The following TMEM117 variants were observed in gnomAD, a reference collection of about 807,000 sequenced individuals.
TMEM117 encodes the protein transmembrane protein 117.
Under a neutral mutation model 52.4 loss-of-function variants are expected in TMEM117, and 27 were observed. That is an observed-to-expected ratio of 0.51 (90% confidence interval 0.38 to 0.71). TMEM117 has a LOEUF of 0.71. TMEM117 is among the 30% of genes least tolerant of loss of function. The probability of loss-of-function intolerance (pLI) is 0.00; values close to 1 mark genes in which losing one functional copy is unlikely to be tolerated. For missense variants in TMEM117, 556 were observed against 630.5 expected, an observed-to-expected ratio of 0.88 and a Z score of 1.26; for synonymous variants, 215 against 206.3, an observed-to-expected ratio of 1.04 and a Z score of -0.36.
intron 3 of TMEM117, among the ~76,000 whole-genome samples, chr12:44,132,632 C>T (rs1466336670): frequency 2.0e-5 from 3 of 152,116 alleles, no homozygotes; most frequent in Non-Finnish European, 2.9e-5. Context: ...ATGACCATCC[C>T]CGTTCCTCAA....
chr12:44,366,470 A>G (rs1951790835), intron 6 of TMEM117, among the ~76,000 whole-genome samples: 1 of 152,080 alleles, frequency 6.6e-6, no homozygotes, highest in Non-Finnish European at 1.5e-5. Flanking sequence ...ATTCTCCAAC[A>G]GCAAAATGTA....
intron 5 of TMEM117, among the ~76,000 whole-genome samples, chr12:44,286,992 A>G (rs1439596660): frequency 1.3e-5 from 2 of 152,178 alleles, no homozygotes; most frequent in East Asian, 1.9e-4. Flanking sequence ...CCTAACCTCT[A>G]TGGAAGCAGT....
chr12:44,362,131 C>T (rs190777053), intron 6 of TMEM117, among the ~76,000 whole-genome samples: 7 of 152,126 alleles, frequency 4.6e-5, no homozygotes, highest in South Asian at 2.1e-4. Flanking sequence ...TTTCTCAATC[C>T]CTAGTTTATT....
chr12:44,373,699 A>G (rs550924438), intron 6 of TMEM117, among the ~76,000 whole-genome samples: 20 of 150,254 alleles, frequency 1.3e-4, no homozygotes, highest in Non-Finnish European at 2.2e-4. Context: ...GATTCAGAAT[A>G]CCGTCCCAAA....
chr12:44,220,090 GA>G (rs1231507806), intron 5 of TMEM117, among the ~76,000 whole-genome samples: 2 of 152,020 alleles, frequency 1.3e-5, no homozygotes, highest in Non-Finnish European at 2.9e-5. Context: ...GGGAGGTGGA[GA>G]AAAAAAGATA....
intron 3 of TMEM117, chr12:44,008,717 C>T: frequency 2.8e-6 from 1 of 363,156 alleles, no homozygotes; most frequent in Non-Finnish European, 5.4e-6. Context: ...GCATATGATA[C>T]AAGTATAAGG....
chr12:43,819,493 G>A, the TMEM117 span, among the ~76,000 whole-genome samples: 1 of 152,246 alleles, frequency 6.6e-6, no homozygotes, highest in South Asian at 2.1e-4. Context: ...TGAAACAGGC[G>A]GCTGGGCGGG....
chr12:44,367,978 C>A (rs79248757), intron 6 of TMEM117, among the ~76,000 whole-genome samples: 5,745 of 152,196 alleles, frequency 0.038, 138 homozygotes, highest in Admixed American at 0.054. Flanking sequence ...ACCCCTCCTA[C>A]AGTCAGTTTA....
chr12:44,181,750 A>G (rs1949203095), intron 4 of TMEM117, among the ~76,000 whole-genome samples: 1 of 150,522 alleles, frequency 6.6e-6, no homozygotes, highest in African/African-American at 2.4e-5. Context: ...TGTTTTGGTT[A>G]CTGTAGCCTT....
intron 6 of TMEM117, among the ~76,000 whole-genome samples, chr12:44,302,186 CTCT>C (rs2138647444): frequency 6.6e-6 from 1 of 152,246 alleles, no homozygotes; most frequent in South Asian, 2.1e-4. Context: ...CCCTATGCAG[CTCT>C]TCTTCATAAC....
At chr12:43,855,151 A>G (rs767499952) in intron 2 of TMEM117, among the ~76,000 whole-genome samples, 8 of 152,212 alleles carry the variant, frequency 5.3e-5, no homozygotes, top group Non-Finnish European at 1.2e-4. Flanking sequence ...AAATGGATTC[A>G]GGTTTGGTCA....
rs76637877 is a variant in TMEM117, at chr12:44,351,731, T to C, written c.769-24864T>C. On this transcript the variant is annotated intron_variant, in intron 6 of 7. Coordinates refer to ENST00000266534, the MANE Select transcript of TMEM117 (RefSeq NM_032256.3). ...GTTGCACAGAGAAAATTTCATTACA[T>C]TTTGCTTGTGGATGTTTGACTAAAA... Among the ~76,000 whole-genome samples, 85 of 152,070 alleles carry C rather than the reference T, an allele frequency of 5.6e-4. No individual in the cohort carries two copies. In the East Asian group the frequency reaches 0.013, roughly 24 times the overall value.
At chr12:44,349,445 A>G (rs1372956370) in intron 6 of TMEM117, among the ~76,000 whole-genome samples, 1 of 152,060 alleles carries the variant, frequency 6.6e-6, no homozygotes, top group African/African-American at 2.4e-5. Flanking sequence ...TGGGTACTTC[A>G]GCTGAATTGA....
At chr12:44,229,005 G>A (rs1008133795) in intron 5 of TMEM117, among the ~76,000 whole-genome samples, 12 of 152,264 alleles carry the variant, frequency 7.9e-5, no homozygotes, top group African/African-American at 2.4e-4. Context: ...TGGCTTGGAC[G>A]AAAGTGGCAG....
intron 3 of TMEM117, among the ~76,000 whole-genome samples, chr12:44,125,632 GTCTA>G (rs1948312250): frequency 1.3e-5 from 2 of 151,850 alleles, no homozygotes; most frequent in Admixed American, 6.6e-5. Flanking sequence ...CTAGCTAGTG[GTCTA>G]TCTGTTTTAT....
chr12:44,106,415 G>A (rs1244302155), intron 3 of TMEM117, among the ~76,000 whole-genome samples: 8 of 152,026 alleles, frequency 5.3e-5, no homozygotes, highest in African/African-American at 1.7e-4. Context: ...ATTAAAAAAT[G>A]TATTTTAGCT....
chr12:43,890,680 C>T (rs542368427), intron 2 of TMEM117, among the ~76,000 whole-genome samples: 7 of 152,040 alleles, frequency 4.6e-5, no homozygotes, highest in East Asian at 1.9e-4. Flanking sequence ...TACAGGCATC[C>T]GCCACCACAC....
the TMEM117 span, among the ~76,000 whole-genome samples, chr12:43,830,254 A>G: frequency 7.2e-5 from 11 of 152,098 alleles, no homozygotes; most frequent in Non-Finnish European, 1.6e-4. Context: ...CACGCAAGTA[A>G]CAGCTGTATT....
At chr12:43,889,013 G>T (rs1944051825) in intron 2 of TMEM117, among the ~76,000 whole-genome samples, 1 of 152,006 alleles carries the variant, frequency 6.6e-6, no homozygotes, top group African/African-American at 2.4e-5. Context: ...AGTTTTTTCA[G>T]TGACCAGGGT....
Sources: allele counts gnomAD v4.1 joint callset (sites outside exome capture counted in the v4.1 genomes callset), GRCh38; gene constraint gnomAD v4.1.1; transcripts MANE v1.5; gene names NCBI Gene and HGNC (gene_info 2026-07-23, HGNC 2026-07-21).